SAMD8: variants seen among roughly 807,000 people sequenced by gnomAD.
SAMD8 encodes sphingomyelin synthase-related protein 1.
In SAMD8, 20 loss-of-function variants were observed where a neutral mutation model predicts 42.0. That is an observed-to-expected ratio of 0.48 (90% CI 0.34 to 0.69). SAMD8 has a LOEUF of 0.69. Ranked by LOEUF, SAMD8 falls within the 30% of genes least tolerant of loss-of-function variation. The pLI, the probability that SAMD8 is intolerant of heterozygous loss-of-function variation, is 0.01. For synonymous variants in SAMD8, 162 were observed against 173.0 expected, an observed-to-expected ratio of 0.94 and a Z score of 0.50; for missense variants, 328 against 511.6, an observed-to-expected ratio of 0.64 and a Z score of 3.46.
chr10:75,159,063 C>CTTTTTCTT lies in SAMD8; in HGVS notation c.579-5577_579-5576insCTTTTTTT, dbSNP rs1554862366. Among the ~76,000 whole-genome samples, 53 of 133,454 alleles carry CTTTTTCTT rather than the reference C, an allele frequency of 4.0e-4. No individual in the cohort carries two copies. In the East Asian group the frequency reaches 8.6e-3, roughly 22 times the overall value. The allele number at this position is 133,454 out of a possible 152,430, so 87.6% of individuals were successfully genotyped here. On this transcript the variant is annotated intron_variant, in intron 2 of 5. Transcript: ENST00000542569. ...TGTAGACAAATTTTTTTTTCTTTTTCTTTTTTTTTTTTTGAGACAGAGTCT... is the reference window on the plus strand; with the variant it reads ...TGTAGACAAATTTTTTTTTCTTTTTCTTTTTCTTTTTTTTTTTTTTTGAGACAGAGTCT...
rs1196627528 is a variant in SAMD8, at chr10:75,181,611, T to G, written c.*4919T>G. 3 of 152,230 alleles carry G rather than the reference T, an allele frequency of 2.0e-5. No individual in the cohort carries two copies. Among genetic ancestry groups the G allele is most frequent in the Non-Finnish European group, 4.4e-5 (3 of 68,046 alleles). 9.4% of individuals were successfully genotyped at this position (152,230 alleles called of 1,614,324 possible). A position where few individuals can be genotyped will look rare whatever the true frequency, so the allele number is the denominator to read the frequency against. On this transcript the variant is annotated 3_prime_UTR_variant, in exon 6 of 6. Coordinates refer to ENST00000542569, the MANE Select transcript of SAMD8 (RefSeq NM_001174156.2). ...ATTCAGTGTATTCCATGTTTCAGCA[T>G]AAGGAAAGTTTGTGCCTGATATGGC...
At chr10:75,125,761 TCGCA>T (rs1849117318) in intron 1 of SAMD8, 1 of 152,450 alleles carries the variant, frequency 6.6e-6, no homozygotes, top group African/African-American at 2.4e-5. Flanking sequence ...GTTGTGCCAT[TCGCA>T]GAAAGGTAGT....
chr10:75,168,656 A>G lies in SAMD8; in HGVS notation c.790A>G (p.Lys264Glu). 2 of 1,585,832 alleles carry G rather than the reference A, an allele frequency of 1.3e-6. No individual in the cohort carries two copies. Among genetic ancestry groups the G allele is most frequent in the Non-Finnish European group, 8.7e-7 (1 of 1,154,320 alleles). ...VPGQHLQCTGKIYGSVWEKLH... is the reference protein window; with the variant it reads ...VPGQHLQCTGEIYGSVWEKLH... ...AGGACAACACCTGCAGTGTACTGGAAAGGTAGCCTGCTACCTTCTTTATCA... is the reference window on the plus strand; with the variant it reads ...AGGACAACACCTGCAGTGTACTGGAGAGGTAGCCTGCTACCTTCTTTATCA... The change falls in exon 4 of 6, where the codon AAG becomes GAG. Residue 264 changes from lysine (K) to glutamate (E), a missense_variant and splice_region_variant. This residue lies in a region of SAMD8 where 178 missense variants were observed against 325.6 expected (regional missense o/e 0.55). Coordinates refer to ENST00000542569, the MANE Select transcript of SAMD8 (RefSeq NM_001174156.2).
chr10:75,111,553 C>G, upstream of SAMD8: 1 of 1,246,688 alleles, frequency 8.0e-7, no homozygotes, highest in Non-Finnish European at 1.0e-6. Flanking sequence ...GGGACGATGC[C>G]TGCGCGCAGT....
intron 1 of SAMD8, among the ~76,000 whole-genome samples, chr10:75,122,015 T>A (rs1315403160): frequency 6.6e-6 from 1 of 152,224 alleles, no homozygotes; most frequent in Non-Finnish European, 1.5e-5. Flanking sequence ...TCTATTTATA[T>A]CTGTTTAAAT....
At chr10:75,174,378 C>T (rs1840940560) in intron 4 of SAMD8, among the ~76,000 whole-genome samples, 1 of 151,552 alleles carries the variant, frequency 6.6e-6, no homozygotes, top group African/African-American at 2.4e-5. Context: ...ATCCACCCAC[C>T]TCGGCCTCCC....
rs1453035523 is a variant in SAMD8, at chr10:75,177,518, T to C, written c.*826T>C. The C allele has an allele frequency of 6.6e-6, 1 of 152,238 alleles. No homozygotes were observed. Among genetic ancestry groups the C allele is most frequent in the Non-Finnish European group, 1.5e-5 (1 of 68,050 alleles). The allele number at this position is 152,238 out of a possible 1,614,324, so 9.4% of individuals were successfully genotyped here. ...GTTAGATGACAGTTCAATTTTATGC[T>C]TTTTTAATGGTGTTATTAAATGAGC... On this transcript the variant is annotated 3_prime_UTR_variant, in exon 6 of 6. Transcript: ENST00000542569.
At chr10:75,103,955 T>TA in intron 1 of SAMD8, 1 of 1,325,644 alleles carries the variant, frequency 7.5e-7, no homozygotes, top group South Asian at 1.2e-5. Context: ...CCAGATGGAG[T>TA]AGCAGGCTCT....
At chr10:75,111,499 C>T (rs1181870008), upstream of SAMD8, 23 of 1,224,946 alleles carry the variant, frequency 1.9e-5, 1 homozygote, top group East Asian at 3.2e-5. Flanking sequence ...GAAGCAGTTC[C>T]GGTTCGGCTC....
chr10:75,105,007 G>A (rs764653659), intron 1 of SAMD8, among the ~76,000 whole-genome samples: 2 of 152,146 alleles, frequency 1.3e-5, no homozygotes, highest in African/African-American at 2.4e-5. Flanking sequence ...ATGGCAGCCC[G>A]TCTGTGGCAT....
chr10:75,134,367 G>A (rs965718657), intron 1 of SAMD8, among the ~76,000 whole-genome samples: 4 of 151,150 alleles, frequency 2.6e-5, no homozygotes, highest in Admixed American at 6.6e-5. Context: ...AGGCGCAGTG[G>A]CTCATGCCTG....
At chr10:75,163,715 TG>T (rs1840612269) in intron 2 of SAMD8, among the ~76,000 whole-genome samples, 1 of 152,026 alleles carries the variant, frequency 6.6e-6, no homozygotes, top group South Asian at 2.1e-4. Flanking sequence ...CCCAAAGCAC[TG>T]GGATTACAGG....
chr10:75,112,221 C>T (rs1848786411), intron 1 of SAMD8, among the ~76,000 whole-genome samples: 1 of 152,148 alleles, frequency 6.6e-6, no homozygotes, highest in Non-Finnish European at 1.5e-5. Flanking sequence ...CCGCCTCCCA[C>T]CCCGGGTGGG....
intron 1 of SAMD8, among the ~76,000 whole-genome samples, chr10:75,120,272 T>TTTTA (rs768608973): frequency 1.3e-5 from 2 of 152,262 alleles, no homozygotes; most frequent in South Asian, 4.1e-4. Context: ...TTTTATTTTA[T>TTTTA]TTTATTTATT....
At chr10:75,150,382 A>T in intron 1 of SAMD8, 132 bp from the exon 2 acceptor site, 1 of 1,423,482 alleles carries the variant, frequency 7.0e-7, no homozygotes, top group Non-Finnish European at 9.2e-7. Context: ...TCAGCCTCCC[A>T]AAGTGCTGGG....
intron 2 of SAMD8, among the ~76,000 whole-genome samples, chr10:75,163,413 T>A (rs1840604217): frequency 6.6e-6 from 1 of 152,056 alleles, no homozygotes; most frequent in East Asian, 1.9e-4. Context: ...CCTTCCTCCC[T>A]ACCTTCCTTC....
At chr10:75,166,937 T>C (rs1473358840) in intron 3 of SAMD8, among the ~76,000 whole-genome samples, 1 of 152,218 alleles carries the variant, frequency 6.6e-6, no homozygotes, top group African/African-American at 2.4e-5. Context: ...AAAATGCAGA[T>C]TCCTAGGTTC....
rs1431649310 is a variant in SAMD8 at position 75,181,895 on chromosome 10, T to A, written c.*5203T>A. 2 of 152,204 alleles carry A rather than the reference T, an allele frequency of 1.3e-5. No homozygotes were observed. Among genetic ancestry groups the A allele is most frequent in the East Asian group, 3.8e-4 (2 of 5,196 alleles). The allele number at this position is 152,204 out of a possible 1,614,324, so 9.4% of individuals were successfully genotyped here. On this transcript the variant is annotated 3_prime_UTR_variant, in exon 6 of 6. Coordinates refer to ENST00000542569, the MANE Select transcript of SAMD8 (RefSeq NM_001174156.2). Reference sequence around the variant, plus strand: ...AAATTAGCTGGGACTAAAACGGACATGTTTTGTTTTGTGAATTCTACCTAA... The same window carrying A: ...AAATTAGCTGGGACTAAAACGGACAAGTTTTGTTTTGTGAATTCTACCTAA...
intron 1 of SAMD8, among the ~76,000 whole-genome samples, chr10:75,119,445 A>G (rs1306966193): frequency 2.0e-5 from 3 of 152,124 alleles, no homozygotes; most frequent in African/African-American, 7.2e-5. Flanking sequence ...GCGTGAATCA[A>G]TAATAATTTA....
Sources: allele counts gnomAD v4.1 joint callset (sites outside exome capture counted in the v4.1 genomes callset), GRCh38; gene constraint gnomAD v4.1.1; regional missense constraint gnomAD v4.1.1; transcripts MANE v1.5; gene names NCBI Gene and HGNC (gene_info 2026-07-23, HGNC 2026-07-21).